Variants in RPTOR observed in about 807,000 individuals in gnomAD.
The protein encoded by RPTOR is regulatory-associated protein of mTOR.
A neutral mutation model predicts 169.9 loss-of-function variants in RPTOR; 21 were observed. The ratio of observed to expected loss-of-function variants is 0.12; its 90% CI spans 0.09 to 0.18. RPTOR has a LOEUF of 0.18. Among genes scored for constraint, RPTOR ranks in the 10% least tolerant of loss-of-function variants. The pLI, the probability that RPTOR is intolerant of heterozygous loss-of-function variation, is 1.00. For synonymous variants in RPTOR, 732 were observed against 753.2 expected (o/e 0.97, Z 0.46); for missense variants, 1,133 against 1,855.9 (o/e 0.61, Z 7.16).
At chr17:80,711,157 G>A (rs1036774333) in intron 4 of RPTOR, among the ~76,000 whole-genome samples, 2 of 152,116 alleles carry the variant, frequency 1.3e-5, no homozygotes, top group African/African-American at 2.4e-5. Context: ...CACCAGTATC[G>A]GGGGTATCTG....
At chr17:80,738,754 C>A (rs1325786769) in intron 5 of RPTOR, among the ~76,000 whole-genome samples, 5 of 152,138 alleles carry the variant, frequency 3.3e-5, no homozygotes, top group African/African-American at 1.2e-4. Flanking sequence ...AATTGATGCT[C>A]AGGAAGGATC....
chr17:80,945,259 C>T (rs575726976), intron 25 of RPTOR, among the ~76,000 whole-genome samples: 40 of 152,224 alleles, frequency 2.6e-4, no homozygotes, highest in South Asian at 1.7e-3. Context: ...CACCACTCTG[C>T]ACCCCAGCCA....
Position 80,730,767 on chromosome 17 carries a change from G to T in RPTOR, c.654+61G>T. ...TTGGTTTTGTTTTCCCTGGGGGTGG[G>T]GTTTGGGTGGGGAGGTTGGGAGGTG... On this transcript the variant is annotated intron_variant, in intron 5 of 33. Coordinates refer to ENST00000306801, the MANE Select transcript of RPTOR (RefSeq NM_020761.3). The surrounding 1 kb of genome is among the most constrained non-coding windows in gnomAD (Gnocchi z 4.2). The T allele has an allele frequency of 1.6e-6, 2 of 1,255,416 alleles. No homozygotes were observed. Among genetic ancestry groups the T allele is most frequent in the Non-Finnish European group, 1.1e-6 (1 of 885,844 alleles). 77.8% of individuals were successfully genotyped at this position (1,255,416 alleles called of 1,614,324 possible).
At chr17:80,621,401 A>G (rs1038524116) in intron 1 of RPTOR, among the ~76,000 whole-genome samples, 11 of 152,234 alleles carry the variant, frequency 7.2e-5, no homozygotes, top group African/African-American at 2.7e-4. Context: ...ACTTGTCTAA[A>G]ATGACAGCCG....
intron 20 of RPTOR, among the ~76,000 whole-genome samples, chr17:80,894,170 GTTC>G (rs1169493707): frequency 6.6e-6 from 1 of 152,190 alleles, no homozygotes; most frequent in Non-Finnish European, 1.5e-5. Flanking sequence ...ACGGGTGAGA[GTTC>G]TTCATGGTGC....
chr17:80,559,565 C>T (rs984682222), intron 1 of RPTOR, among the ~76,000 whole-genome samples: 3 of 152,210 alleles, frequency 2.0e-5, no homozygotes, highest in African/African-American at 7.2e-5. Context: ...CTTGGTGTGG[C>T]ATGCGTCTCC....
At chr17:80,867,648 T>C (rs988912579) in intron 13 of RPTOR, among the ~76,000 whole-genome samples, 5 of 152,224 alleles carry the variant, frequency 3.3e-5, no homozygotes, top group Non-Finnish European at 4.4e-5. Context: ...TTTAAAGTGC[T>C]ACTAGAAAAA....
intron 3 of RPTOR, among the ~76,000 whole-genome samples, chr17:80,685,880 C>T (rs1389707178): frequency 2.0e-5 from 3 of 151,346 alleles, no homozygotes; most frequent in Admixed American, 6.6e-5. Context: ...CCGACAAGAA[C>T]CCTATTTCTC....
chr17:80,774,726 A>C (rs2066876997), intron 6 of RPTOR, among the ~76,000 whole-genome samples: 1 of 152,106 alleles, frequency 6.6e-6, no homozygotes, highest in African/African-American at 2.4e-5. Context: ...GGCCCCTGGG[A>C]AGCTGTGCAA....
At chr17:80,920,303 G>C (rs1487491235) in intron 21 of RPTOR, among the ~76,000 whole-genome samples, 2 of 152,206 alleles carry the variant, frequency 1.3e-5, no homozygotes, top group Non-Finnish European at 2.9e-5. Flanking sequence ...CAAATAAGAA[G>C]TGCACAGCTA....
intron 24 of RPTOR, among the ~76,000 whole-genome samples, chr17:80,935,666 TAAAAA>T (rs889991921): frequency 6.2e-4 from 94 of 152,018 alleles, no homozygotes; most frequent in African/African-American, 2.3e-3. Context: ...TCAAAAAAAA[TAAAAA>T]GAAGAACCTC....
chr17:80,710,002 G>C (rs1193601119), intron 4 of RPTOR, among the ~76,000 whole-genome samples: 1 of 149,658 alleles, frequency 6.7e-6, no homozygotes, highest in Non-Finnish European at 1.5e-5. Flanking sequence ...TTTGAAACAG[G>C]GTCTCTCTCT....
chr17:80,921,874 C>T (rs2068748942), intron 21 of RPTOR, among the ~76,000 whole-genome samples: 1 of 152,206 alleles, frequency 6.6e-6, no homozygotes, highest in Non-Finnish European at 1.5e-5. Context: ...CATGTCTGCC[C>T]TGGAGATGAA....
At chr17:80,734,605 G>C (rs2066419517) in intron 5 of RPTOR, among the ~76,000 whole-genome samples, 1 of 152,334 alleles carries the variant, frequency 6.6e-6, no homozygotes, top group East Asian at 1.9e-4. Context: ...TGGGGACCAG[G>C]CATCCTTAGC....
At chr17:80,599,341 G>A (rs1056769827) in intron 1 of RPTOR, among the ~76,000 whole-genome samples, 9 of 152,152 alleles carry the variant, frequency 5.9e-5, no homozygotes, top group African/African-American at 1.7e-4. Flanking sequence ...GAGACCTGTG[G>A]CGCCCTTTCC....
rs1360608206 is a variant in RPTOR at position 80,708,764 on chromosome 17, T to C, written c.507+765T>C. On this transcript the variant is annotated intron_variant, in intron 4 of 33. Transcript: ENST00000306801. This position sits in a 1 kb window ranked among gnomAD's most constrained non-coding sequence, Gnocchi z 4.2. ...CAGCCAGCTATGGGTCTCACTGCGC[T>C]CTGCGTGATGCATGAAAAGCAGTTC... 1.0e-5 allele frequency: 2 copies of C among 193,600 alleles called. No homozygotes were observed. Among genetic ancestry groups the C allele is most frequent in the African/African-American group, 2.4e-5 (1 of 42,120 alleles). The allele number at this position is 193,600 out of a possible 1,614,324, so 12.0% of individuals were successfully genotyped here. A position where few individuals can be genotyped will look rare whatever the true frequency, so the allele number is the denominator to read the frequency against.
At chr17:80,932,226 C>CTGGG (rs1446040498) in intron 24 of RPTOR, among the ~76,000 whole-genome samples, 4 of 151,606 alleles carry the variant, frequency 2.6e-5, no homozygotes, top group African/African-American at 9.7e-5. Context: ...TTAGGAGAGG[C>CTGGG]TGGGCATGGT....
At chr17:80,736,178 A>T (rs1205087793) in intron 5 of RPTOR, among the ~76,000 whole-genome samples, 3 of 147,960 alleles carry the variant, frequency 2.0e-5, no homozygotes, top group African/African-American at 7.3e-5. Flanking sequence ...CTCTTAAAAA[A>T]AAAAAAAGTT....
In RPTOR at chr17:80,724,432, CAG is replaced by C. The variant is rs1353839221; in HGVS notation, c.508-6127_508-6126del. 2.6e-5 allele frequency among the ~76,000 whole-genome samples: 4 copies of C among 151,258 alleles called. No homozygotes were observed. The East Asian group carries it at 7.7e-4, about 29-fold the overall frequency. On this transcript the variant is annotated intron_variant, in intron 4 of 33. Transcript: ENST00000306801. ...TCTGATTAGTAGGTGCTAAATACCC[CAG>C]TTTGTATAAAGTAGGATGGTATCTT...
Sources: gnomAD v4.1 joint callset for allele counts (sites outside exome capture counted in the v4.1 genomes callset) on GRCh38, gnomAD v4.1.1 for gene constraint, Gnocchi (gnomAD v3.1) non-coding constraint, MANE v1.5 for transcripts, NCBI Gene and HGNC (gene_info 2026-07-23, HGNC 2026-07-21) for gene names.